PDIA6: variants seen among roughly 807,000 people sequenced by gnomAD.
PDIA6 encodes the protein protein disulfide-isomerase A6.
In PDIA6, 29 loss-of-function variants were observed where a neutral mutation model predicts 58.4. That is an observed-to-expected ratio of 0.50 (90% CI 0.37 to 0.68). The LOEUF is 0.68. Among genes scored for constraint, PDIA6 ranks in the 30% least tolerant of loss-of-function variants. The probability of loss-of-function intolerance (pLI) is 0.00; values close to 1 mark genes in which losing one functional copy is unlikely to be tolerated. For missense variants in PDIA6, 480 were observed against 551.0 expected, an observed-to-expected ratio of 0.87 and a Z score of 1.29; for synonymous variants, 192 against 202.6, an observed-to-expected ratio of 0.95 and a Z score of 0.44.
rs1317140685 is a variant in PDIA6 at position 10,829,922 on chromosome 2, G to A, written c.-48+2280C>T. The stretch of plus-strand genomic sequence containing the variant: ...CACTGTGAAGTCCACATGCCTTCGC[G>A]AGGTGGCAGGGCTTGTCCTCTGTGC... On this transcript the variant is annotated intron_variant, in intron 1 of 13. Transcript: ENST00000381611. 6.6e-5 allele frequency among the ~76,000 whole-genome samples: 10 copies of A among 152,240 alleles called. No homozygotes were observed. The East Asian group carries it at 1.2e-3, about 18-fold the overall frequency.
At chr2:10,788,790 T>A (rs1665899849) in intron 9 of PDIA6, 21 bp from the exon 10 acceptor site, 1 of 1,596,938 alleles carries the variant, frequency 6.3e-7, no homozygotes, top group Non-Finnish European at 8.6e-7. Context: ...TAGACAAAGT[T>A]TTTTAAAGGT....
At position 10,802,247 on chromosome 2, in the gene PDIA6, C is replaced by A. The variant is rs181748388; in HGVS notation, c.161+252G>T. Among the ~76,000 whole-genome samples, 4 of 152,206 alleles carry A rather than the reference C, an allele frequency of 2.6e-5. No homozygotes were observed. In the East Asian group the frequency reaches 7.7e-4, roughly 29 times the overall value. ...AACAGAGTGAAGTTAATCACTGGCC[C>A]CTCCATTTTCTTTGCTCAAGATTCC... On this transcript the variant is annotated intron_variant, in intron 2 of 12. Coordinates refer to ENST00000272227, the MANE Select transcript of PDIA6 (RefSeq NM_005742.4).
intron 1 of PDIA6, among the ~76,000 whole-genome samples, 160 bp from the exon 2 acceptor site, chr2:10,802,800 G>A (rs1201123525): frequency 6.6e-6 from 1 of 152,172 alleles, no homozygotes; most frequent in African/African-American, 2.4e-5. Flanking sequence ...GGAGCCCCTG[G>A]AATTTCACTC....
At chr2:10,805,827 G>T (rs1353912954) in intron 1 of PDIA6, among the ~76,000 whole-genome samples, 7 of 91,670 alleles carry the variant, frequency 7.6e-5, no homozygotes, top group African/African-American at 2.3e-4. Context: ...ACCAAACACC[G>T]CATATTCTCA....
intron 2 of PDIA6, among the ~76,000 whole-genome samples, chr2:10,800,817 C>T (rs1303719538): frequency 6.6e-6 from 1 of 152,060 alleles, no homozygotes; most frequent in African/African-American, 2.4e-5. Context: ...TGCCACATTG[C>T]CCAAGCTGGC....
At chr2:10,817,811 A>C (rs933166944) in intron 2 of PDIA6, among the ~76,000 whole-genome samples, 2 of 152,238 alleles carry the variant, frequency 1.3e-5, no homozygotes, top group Non-Finnish European at 2.9e-5. Context: ...TGGATGGCTC[A>C]CCATGTAGCT....
At chr2:10,793,021 C>A in intron 5 of PDIA6, 75 bp downstream of exon 5, 3 of 940,158 alleles carry the variant, frequency 3.2e-6, no homozygotes, top group Non-Finnish European at 5.1e-6. Flanking sequence ...TGTTAAAAAA[C>A]AACTATCTTA....
intron 1 of PDIA6, among the ~76,000 whole-genome samples, chr2:10,825,921 C>A (rs1026756206): frequency 1.3e-5 from 2 of 152,174 alleles, no homozygotes; most frequent in African/African-American, 4.8e-5. Context: ...AGTCCAACAG[C>A]TCCTCAAATA....
intron 1 of PDIA6, chr2:10,819,368 AG>A: frequency 6.9e-7 from 1 of 1,457,914 alleles, no homozygotes; most frequent in South Asian, 1.2e-5. Flanking sequence ...AAAGTGAGAG[AG>A]AAGAGGAGAT....
intron 4 of PDIA6, 47 bp from the exon 5 acceptor site, chr2:10,793,249 G>A (rs1375834402): frequency 7.5e-7 from 1 of 1,334,626 alleles, no homozygotes; most frequent in Non-Finnish European, 1.1e-6. Context: ...CCTTCAGCAA[G>A]TGCCTCATCT....
intron 11 of PDIA6, among the ~76,000 whole-genome samples, chr2:10,786,609 TC>T (rs1267553775): frequency 2.0e-5 from 3 of 152,194 alleles, no homozygotes; most frequent in African/African-American, 7.2e-5. Context: ...CATGTACTGT[TC>T]TTCCTATTCA....
chr2:10,818,166 CTT>C (rs571475237), intron 2 of PDIA6, among the ~76,000 whole-genome samples: 7 of 144,682 alleles, frequency 4.8e-5, no homozygotes, highest in Admixed American at 6.9e-5. Flanking sequence ...ACCACTTTAA[CTT>C]TTTTTTTTTT....
In PDIA6 at chr2:10,785,619, A is replaced by C. The variant is rs146925745; in HGVS notation, c.1158-589T>G. Among the ~76,000 whole-genome samples the C allele has an allele frequency of 3.6e-3, 555 of 152,394 alleles. 5 individuals carry two copies. The highest frequency in any genetic ancestry group is 0.013 in the African/African-American group (537 of 41,594). ...CAATCTATGGCACCAATGGGCTAGAATAAGCAAACCTATTATTAGAAAAAA... is the reference window on the plus strand; with the variant it reads ...CAATCTATGGCACCAATGGGCTAGACTAAGCAAACCTATTATTAGAAAAAA... On this transcript the variant is annotated intron_variant, in intron 11 of 12. Coordinates refer to ENST00000272227, the MANE Select transcript of PDIA6 (RefSeq NM_005742.4).
At chr2:10,792,186 T>C (rs1426006434) in intron 5 of PDIA6, among the ~76,000 whole-genome samples, 1 of 152,222 alleles carries the variant, frequency 6.6e-6, no homozygotes, top group Non-Finnish European at 1.5e-5. Context: ...TCACCAGCTA[T>C]TTTTAGAGAG....
chr2:10,785,840 G>A (rs1031137354), intron 11 of PDIA6, among the ~76,000 whole-genome samples: 1 of 152,134 alleles, frequency 6.6e-6, no homozygotes, highest in African/African-American at 2.4e-5. Flanking sequence ...AGCCTCCCTA[G>A]TAGCTAGGAC....
In PDIA6 at chr2:10,802,553, T is replaced by C. The variant is rs369542559; in HGVS notation, c.107A>G (p.Asn36Ser). Residue 36 changes from asparagine to serine, a missense_variant, in exon 2 of 13, where the codon AAC becomes AGC. Transcript: ENST00000272227. ...DVIELTPSNF[N>S]REVIQSDSLW... is the part of the protein sequence containing the mutation. ...ACTATCACTCTGAATAACTTCTCGGTTGAAATTCGATGGAGTTAATTCGAT... is the reference window on the plus strand; with the variant it reads ...ACTATCACTCTGAATAACTTCTCGGCTGAAATTCGATGGAGTTAATTCGAT... 11 of 1,486,964 alleles carry C rather than the reference T, an allele frequency of 7.4e-6. No homozygotes were observed. In the African/African-American group the frequency reaches 1.4e-4, roughly 19 times the overall value. 92.1% of individuals were successfully genotyped at this position (1,486,964 alleles called of 1,614,324 possible). A position where few individuals can be genotyped will look rare whatever the true frequency, so the allele number is the denominator to read the frequency against.
At chr2:10,805,040 A>G (rs146694701) in intron 1 of PDIA6, among the ~76,000 whole-genome samples, 9,898 of 152,054 alleles carry the variant, frequency 0.065, 502 homozygotes, top group Non-Finnish European at 0.094. Flanking sequence ...CAATGGCAAC[A>G]AAAGACAAAA....
At chr2:10,827,909 AT>A (rs893371008) in intron 1 of PDIA6, among the ~76,000 whole-genome samples, 135 of 151,138 alleles carry the variant, frequency 8.9e-4, no homozygotes, top group African/African-American at 2.9e-3. Flanking sequence ...TTTTATTTTT[AT>A]TTTTTTAATG....
At chr2:10,816,914 G>A (rs1459378856), upstream of PDIA6, among the ~76,000 whole-genome samples, 2 of 152,144 alleles carry the variant, frequency 1.3e-5, no homozygotes, top group Non-Finnish European at 2.9e-5. Context: ...CACACTATAG[G>A]CTTTCAAGGA....
Sources: gnomAD v4.1 joint callset for allele counts (sites outside exome capture counted in the v4.1 genomes callset) on GRCh38, gnomAD v4.1.1 for gene constraint, MANE v1.5 for transcripts, NCBI Gene and HGNC (gene_info 2026-07-23, HGNC 2026-07-21) for gene names.